The following RANBP2 variants were observed in gnomAD, a reference collection of about 807,000 sequenced individuals.
RANBP2 encodes the protein E3 SUMO-protein ligase RanBP2.
Under a neutral mutation model 303.6 loss-of-function variants are expected in RANBP2, and 57 were observed. The ratio of observed to expected loss-of-function variants is 0.19; its 90% CI spans 0.15 to 0.23. The LOEUF is 0.23. Ranked by LOEUF, RANBP2 falls within the 10% of genes least tolerant of loss-of-function variation. The pLI is 1.00. For missense variants in RANBP2, 3,138 were observed against 3,780.8 expected (o/e 0.83, Z 4.46); for synonymous variants, 1,167 against 1,301.5 (o/e 0.90, Z 2.23).
chr2:109,255,147 C>G, the RANBP2 span, among the ~76,000 whole-genome samples: 1 of 152,086 alleles, frequency 6.6e-6, no homozygotes, highest in African/African-American at 2.4e-5. Context: ...TGTGTGTGTA[C>G]ATGTGCACGT....
the RANBP2 span, among the ~76,000 whole-genome samples, chr2:109,441,234 A>G: frequency 2.6e-5 from 4 of 152,196 alleles, no homozygotes; most frequent in Non-Finnish European, 4.4e-5. Context: ...AATATGACTT[A>G]TAATGAAGGG....
chr2:109,736,079 A>G, the RANBP2 span, among the ~76,000 whole-genome samples: 1 of 152,248 alleles, frequency 6.6e-6, no homozygotes, highest in Non-Finnish European at 1.5e-5. Context: ...TTTTAAAAAC[A>G]TGAATTTCAT....
the RANBP2 span, chr2:108,794,592 T>G: frequency 6.2e-7 from 1 of 1,614,130 alleles, no homozygotes; most frequent in Non-Finnish European, 8.5e-7. Context: ...AGTGTTGTAG[T>G]GATGCAGGTG....
chr2:108,997,981 G>A, the RANBP2 span, among the ~76,000 whole-genome samples: 1 of 152,198 alleles, frequency 6.6e-6, no homozygotes, highest in Non-Finnish European at 1.5e-5. Context: ...GCCTCGGCAA[G>A]TATCAGTGTG....
chr2:109,299,399 T>C, the RANBP2 span, among the ~76,000 whole-genome samples: 1 of 149,842 alleles, frequency 6.7e-6, no homozygotes, highest in Non-Finnish European at 1.5e-5. Context: ...ATCAGGGTCC[T>C]TGACACATCC....
the RANBP2 span, among the ~76,000 whole-genome samples, chr2:109,747,374 G>T: frequency 7.1e-6 from 1 of 140,950 alleles, no homozygotes; most frequent in African/African-American, 2.7e-5. Context: ...TCGTTTTGAG[G>T]TATAAAATTA....
the RANBP2 span, among the ~76,000 whole-genome samples, chr2:109,676,753 T>A: frequency 6.6e-6 from 1 of 152,184 alleles, no homozygotes; most frequent in Non-Finnish European, 1.5e-5. Flanking sequence ...TTGAAAAGTT[T>A]AGTCCTTCTG....
At chr2:108,805,125 T>A in the RANBP2 span, 1 of 446,914 alleles carries the variant, frequency 2.2e-6, no homozygotes, top group Non-Finnish European at 3.8e-6. Flanking sequence ...TGGATTACAT[T>A]TGTTAGCTTT....
At chr2:109,705,012 A>T in the RANBP2 span, among the ~76,000 whole-genome samples, 2 of 152,000 alleles carry the variant, frequency 1.3e-5, no homozygotes, top group Non-Finnish European at 2.9e-5. Flanking sequence ...GATATTGGCA[A>T]ATTAAAAACA....
the RANBP2 span, among the ~76,000 whole-genome samples, chr2:109,597,376 T>C: frequency 1.5e-3 from 231 of 152,330 alleles, no homozygotes; most frequent in African/African-American, 4.8e-3. Context: ...CTGCAAGAAT[T>C]CTGGCCTGCT....
At chr2:108,994,222 A>C in the RANBP2 span, among the ~76,000 whole-genome samples, 1 of 152,210 alleles carries the variant, frequency 6.6e-6, no homozygotes, top group Non-Finnish European at 1.5e-5. Context: ...ACATAAAGGA[A>C]GGACCATAAT....
chr2:109,691,391 C>T, the RANBP2 span, among the ~76,000 whole-genome samples: 94 of 152,252 alleles, frequency 6.2e-4, no homozygotes, highest in African/African-American at 1.9e-3. Context: ...AGGCATAAGG[C>T]TGGGTTGGAC....
chr2:109,592,875 A>G, the RANBP2 span, among the ~76,000 whole-genome samples: 1 of 151,774 alleles, frequency 6.6e-6, no homozygotes, highest in African/African-American at 2.4e-5. Flanking sequence ...TGGATACTCA[A>G]TTATTCAATC....
At chr2:108,837,326 G>T in the RANBP2 span, among the ~76,000 whole-genome samples, 1 of 152,092 alleles carries the variant, frequency 6.6e-6, no homozygotes, top group Admixed American at 6.5e-5. Flanking sequence ...TGTTAAAATG[G>T]TATATTACAC....
At chr2:109,682,578 C>T in the RANBP2 span, among the ~76,000 whole-genome samples, 5 of 152,226 alleles carry the variant, frequency 3.3e-5, no homozygotes, top group African/African-American at 7.2e-5. Context: ...TACATGAAGA[C>T]GGGTCAGACC....
At chr2:109,327,518 T>C in the RANBP2 span, among the ~76,000 whole-genome samples, 1 of 152,202 alleles carries the variant, frequency 6.6e-6, no homozygotes, top group Non-Finnish European at 1.5e-5. Flanking sequence ...TACTTGAAAA[T>C]CCCGTCGAGA....
At chr2:109,056,851 T>C in the RANBP2 span, among the ~76,000 whole-genome samples, 1 of 152,204 alleles carries the variant, frequency 6.6e-6, no homozygotes, top group Non-Finnish European at 1.5e-5. Context: ...GGAACAGTTG[T>C]ACATGGTCCT....
the RANBP2 span, among the ~76,000 whole-genome samples, chr2:109,249,513 C>CTTTCTTTCTT: frequency 4.6e-5 from 2 of 43,622 alleles, no homozygotes; most frequent in South Asian, 1.5e-3. Flanking sequence ...TTCTTTCATT[C>CTTTCTTTCTT]TTTCTTTTTC....
the RANBP2 span, among the ~76,000 whole-genome samples, chr2:109,459,129 G>A: frequency 6.6e-6 from 1 of 152,006 alleles, no homozygotes; most frequent in Non-Finnish European, 1.5e-5. Flanking sequence ...TTGATATCTT[G>A]TAACTTAAAT....
Sources: allele counts gnomAD v4.1 joint callset (sites outside exome capture counted in the v4.1 genomes callset), GRCh38; gene constraint gnomAD v4.1.1; transcripts MANE v1.5; gene names NCBI Gene and HGNC (gene_info 2026-07-23, HGNC 2026-07-21).